REC114: variants seen among roughly 807,000 people sequenced by gnomAD.
REC114 encodes meiotic recombination protein REC114.
Under a neutral mutation model 31.3 loss-of-function variants are expected in REC114, and 27 were observed. That is an observed-to-expected ratio of 0.86 (90% CI 0.64 to 1.19). REC114 has a LOEUF of 1.19. Ranked by LOEUF, REC114 falls within the 50% of genes most tolerant of loss-of-function variation. REC114 has a pLI of 0.00. For synonymous variants in REC114, 134 were observed against 127.7 expected (o/e 1.05, Z -0.33); for missense variants, 344 against 326.9 (o/e 1.05, Z -0.40).
In REC114 at chr15:73,489,747, G is replaced by GA. The variant is rs569484022; in HGVS notation, c.249+15838dup. ...TGTGCACTCTTACATGGCTACTCCA[G>GA]AAAAAAAAAAAACAAAACTCAACTC... On this transcript the variant is annotated intron_variant, in intron 2 of 5. Transcript: ENST00000331090. 4.4e-3 allele frequency among the ~76,000 whole-genome samples: 605 copies of GA among 138,284 alleles called. 5 individuals are homozygous for GA. The highest frequency in any genetic ancestry group is 0.014 in the Admixed American group (196 of 13,648). 90.7% of individuals were successfully genotyped at this position (138,284 alleles called of 152,430 possible). A position where few individuals can be genotyped will look rare whatever the true frequency, so the allele number is the denominator to read the frequency against.
chr15:73,443,291 G>C lies in REC114; in HGVS notation c.106G>C (p.Asp36His), dbSNP rs1892722440. ...CCGCTGCATACCCTCAAACACCAGA[G>C]ACCCACCTGGGCCATGCCTGGAAGC... ...YARCIPSNTRDPPGPCLEAGT... is the reference protein window; with the variant it reads ...YARCIPSNTRHPPGPCLEAGT... The change falls in exon 1 of 6, where the codon GAC becomes CAC. Residue 36 changes from aspartate (D) to histidine (H), a missense_variant. Physicochemically the swap from Asp to His is moderately conservative, Grantham distance 81. Coordinates refer to ENST00000331090, the MANE Select transcript of REC114 (RefSeq NM_001042367.2). 6.3e-7 allele frequency: 1 copy of C among 1,582,390 alleles called. No homozygotes were observed. The highest frequency in any genetic ancestry group is 2.3e-5 in the East Asian group (1 of 43,080).
intron 1 of REC114, among the ~76,000 whole-genome samples, chr15:73,459,314 C>G (rs1181441016): frequency 6.6e-6 from 1 of 151,694 alleles, no homozygotes; most frequent in Non-Finnish European, 1.5e-5. Flanking sequence ...ACCACAATCT[C>G]CACCTCGCAG....
chr15:73,486,961 C>T (rs142184737), intron 2 of REC114, among the ~76,000 whole-genome samples: 2 of 151,892 alleles, frequency 1.3e-5, no homozygotes, highest in African/African-American at 2.4e-5. Flanking sequence ...GTGGAGGTTG[C>T]GGTGAGCCGA....
intron 1 of REC114, among the ~76,000 whole-genome samples, chr15:73,456,337 A>ACT (rs1892915016): frequency 6.6e-6 from 1 of 151,018 alleles, no homozygotes; most frequent in Admixed American, 6.6e-5. Flanking sequence ...AACTTCTTAG[A>ACT]CTTTTTTTTT....
chr15:73,530,260 A>C (rs1894059235), intron 2 of REC114, among the ~76,000 whole-genome samples: 1 of 152,238 alleles, frequency 6.6e-6, no homozygotes, highest in Non-Finnish European at 1.5e-5. Context: ...TAAGACCAAA[A>C]TCTAATCAAA....
chr15:73,473,677 A>T lies in REC114; in HGVS notation c.160-155A>T, dbSNP rs1028859876. On this transcript the variant is annotated intron_variant, in intron 1 of 5. Transcript: ENST00000331090. ...TATATATGGAGAAGCTTAAAGTTGTAAGGGAAGGGTTACAGATTAAATGAA... is the reference window on the plus strand; with the variant it reads ...TATATATGGAGAAGCTTAAAGTTGTTAGGGAAGGGTTACAGATTAAATGAA... Among the ~76,000 whole-genome samples the T allele has an allele frequency of 2.2e-5, 3 of 138,648 alleles. No individual in the cohort carries two copies. The East Asian group carries it at 6.1e-4, about 28-fold the overall frequency. The allele number at this position is 138,648 out of a possible 152,430, so 91.0% of individuals were successfully genotyped here. A position where few individuals can be genotyped will look rare whatever the true frequency, so the allele number is the denominator to read the frequency against.
Position 73,491,143 on chromosome 15 carries a change from C to G in REC114, c.249+17222C>G, listed in dbSNP as rs931964967. Among the ~76,000 whole-genome samples the G allele has an allele frequency of 1.0e-4, 8 of 78,614 alleles. No homozygotes were observed. In the South Asian group the frequency reaches 2.7e-3, roughly 27 times the overall value. 51.6% of individuals were successfully genotyped at this position (78,614 alleles called of 152,430 possible). Reference sequence around the variant, plus strand: ...CAGTTTGGGGAAATTATGAGTAGAGCTGTTATGAACATTTATATATAAGTC... The same window carrying G: ...CAGTTTGGGGAAATTATGAGTAGAGGTGTTATGAACATTTATATATAAGTC... On this transcript the variant is annotated intron_variant, in intron 2 of 5. Coordinates refer to ENST00000331090, the MANE Select transcript of REC114 (RefSeq NM_001042367.2).
chr15:73,468,276 C>T (rs540586332), intron 1 of REC114, among the ~76,000 whole-genome samples: 1 of 152,224 alleles, frequency 6.6e-6, no homozygotes, highest in South Asian at 2.1e-4. Flanking sequence ...TCTTAAATTT[C>T]TCTCAATTTT....
intron 1 of REC114, among the ~76,000 whole-genome samples, chr15:73,461,540 T>C (rs1338752796): frequency 6.6e-6 from 1 of 152,222 alleles, no homozygotes; most frequent in African/African-American, 2.4e-5. Flanking sequence ...GGAATACTTT[T>C]CTGTATTTTC....
intron 1 of REC114, among the ~76,000 whole-genome samples, chr15:73,443,761 C>T (rs933095144): frequency 3.3e-5 from 5 of 152,114 alleles, no homozygotes; most frequent in African/African-American, 9.7e-5. Context: ...TGAGTCATCC[C>T]GTAACCAAGC....
intron 5 of REC114, among the ~76,000 whole-genome samples, chr15:73,557,560 C>T (rs1894490365): frequency 6.6e-6 from 1 of 151,968 alleles, no homozygotes; most frequent in South Asian, 2.1e-4. Flanking sequence ...AAACCCCTAA[C>T]TATGAAAAAA....
chr15:73,530,035 G>C (rs1046173644), intron 2 of REC114, among the ~76,000 whole-genome samples: 7 of 152,034 alleles, frequency 4.6e-5, no homozygotes, highest in Non-Finnish European at 8.8e-5. Context: ...CTATAGTTCA[G>C]CATGAAACCA....
chr15:73,548,162 G>A (rs1487037647), intron 3 of REC114, among the ~76,000 whole-genome samples: 1 of 152,116 alleles, frequency 6.6e-6, no homozygotes, highest in East Asian at 1.9e-4. Flanking sequence ...AGGCTGGAGT[G>A]CAGTGGTGTG....
At position 73,509,058 on chromosome 15, in the gene REC114, C is replaced by T. The variant is rs1298875345; in HGVS notation, c.250-31427C>T. Among the ~76,000 whole-genome samples the T allele has an allele frequency of 9.2e-5, 14 of 152,092 alleles. No individual in the cohort carries two copies. The East Asian group carries it at 2.7e-3, about 30-fold the overall frequency. On this transcript the variant is annotated intron_variant, in intron 2 of 5. Transcript: ENST00000331090. The stretch of plus-strand genomic sequence containing the variant: ...ATGGTTGAACTAGTTTACAGTCCCA[C>T]CAACAGTGTAAAAGTGTTCCCGTTT...
chr15:73,473,094 T>A (rs1249130420), intron 1 of REC114, among the ~76,000 whole-genome samples: 1 of 151,992 alleles, frequency 6.6e-6, no homozygotes, highest in Non-Finnish European at 1.5e-5. Flanking sequence ...GTTAAGGGGT[T>A]ATGAAAAATG....
At chr15:73,482,972 T>C (rs1433892793) in intron 2 of REC114, among the ~76,000 whole-genome samples, 5 of 152,020 alleles carry the variant, frequency 3.3e-5, no homozygotes, top group Admixed American at 6.6e-5. Flanking sequence ...CAATAGTGCA[T>C]GACAGTTCCA....
At chr15:73,552,424 A>G (rs572824307) in intron 4 of REC114, among the ~76,000 whole-genome samples, 1 of 152,328 alleles carries the variant, frequency 6.6e-6, no homozygotes, top group East Asian at 1.9e-4. Flanking sequence ...TAGAAAAGTT[A>G]TTTTCCATAA....
At chr15:73,510,014 TC>T (rs1484682130) in intron 2 of REC114, among the ~76,000 whole-genome samples, 5 of 152,104 alleles carry the variant, frequency 3.3e-5, no homozygotes, top group African/African-American at 4.8e-5. Context: ...TGGCATTGAA[TC>T]TGTAAATTAC....
At chr15:73,446,269 C>T (rs111407849) in intron 1 of REC114, among the ~76,000 whole-genome samples, 3,081 of 152,224 alleles carry the variant, frequency 0.02, 106 homozygotes, top group African/African-American at 0.072. Flanking sequence ...CATACATGTA[C>T]GTCACATGTG....
Sources: allele counts gnomAD v4.1 joint callset (sites outside exome capture counted in the v4.1 genomes callset), GRCh38; gene constraint gnomAD v4.1.1; transcripts MANE v1.5; gene names NCBI Gene and HGNC (gene_info 2026-07-23, HGNC 2026-07-21).